STAU2: variants seen among roughly 807,000 people sequenced by gnomAD.
STAU2 encodes staufen double-stranded RNA binding protein 2, also known as double-stranded RNA-binding protein Staufen homolog 2.
In STAU2, 20 loss-of-function variants were observed where a neutral mutation model predicts 65.9. That is an observed-to-expected ratio of 0.30 (90% CI 0.21 to 0.44). STAU2 has a LOEUF of 0.44. Ranked by LOEUF, STAU2 falls within the 20% of genes least tolerant of loss-of-function variation. STAU2 has a pLI of 1.00. For missense variants in STAU2, 558 were observed against 683.9 expected (o/e 0.82, Z 2.05); for synonymous variants, 232 against 233.9 (o/e 0.99, Z 0.07).
intron 13 of STAU2, among the ~76,000 whole-genome samples, chr8:73,477,683 G>A (rs62508174): frequency 0.14 from 21,956 of 152,124 alleles, 2,053 homozygotes; most frequent in East Asian, 0.51. Context: ...ACGGACAGAA[G>A]TTCTACAGAG....
intron 13 of STAU2, among the ~76,000 whole-genome samples, chr8:73,507,813 A>G (rs866100866): frequency 2.6e-5 from 4 of 152,282 alleles, no homozygotes; most frequent in Middle Eastern, 3.4e-3. Context: ...CTTCTGGATA[A>G]CTTGCTGCAG....
intron 6 of STAU2, among the ~76,000 whole-genome samples, chr8:73,647,912 G>A (rs1815512370): frequency 6.6e-6 from 1 of 152,106 alleles, no homozygotes; most frequent in Admixed American, 6.5e-5. Context: ...TGCAGTGCTT[G>A]CATGAATCTA....
chr8:73,427,704 G>C (rs560199793), intron 13 of STAU2, among the ~76,000 whole-genome samples: 2 of 152,348 alleles, frequency 1.3e-5, no homozygotes, highest in South Asian at 4.1e-4. Context: ...TAAAGGCCAG[G>C]CTCACTCACT....
At position 73,648,292 on chromosome 8, in the gene STAU2, C is replaced by T. The variant is rs745822975; in HGVS notation, c.410+24815G>A. Among the ~76,000 whole-genome samples, 9 of 152,020 alleles carry T rather than the reference C, an allele frequency of 5.9e-5. No individual in the cohort carries two copies. In the East Asian group the frequency reaches 1.2e-3, roughly 19 times the overall value. ...AAAAATACGTTCTGAAGTGAGGCTT[C>T]GAGTGTTTTACTTCACAGTATCCAA... is the stretch of plus-strand genomic sequence containing the variant. On this transcript the variant is annotated intron_variant, in intron 6 of 14. Coordinates refer to ENST00000524300, the MANE Select transcript of STAU2 (RefSeq NM_001164380.2).
chr8:73,609,116 C>T (rs1355709358), intron 9 of STAU2, among the ~76,000 whole-genome samples: 2 of 152,098 alleles, frequency 1.3e-5, no homozygotes, highest in East Asian at 3.8e-4. Context: ...AAACTTGAGG[C>T]ACCTGTGAAA....
intron 6 of STAU2, among the ~76,000 whole-genome samples, chr8:73,636,899 C>T (rs1586167921): frequency 6.8e-6 from 1 of 147,998 alleles, no homozygotes; most frequent in East Asian, 2.0e-4. Context: ...CAAAGTTATA[C>T]TATGTTCAAA....
At chr8:73,683,308 A>G (rs1015856632) in intron 5 of STAU2, among the ~76,000 whole-genome samples, 1 of 152,220 alleles carries the variant, frequency 6.6e-6, no homozygotes, top group Non-Finnish European at 1.5e-5. Context: ...GGATAGTTTA[A>G]CGTCCACAAG....
intron 13 of STAU2, chr8:73,550,312 T>C (rs1807241793): frequency 1.0e-6 from 1 of 983,564 alleles, no homozygotes; most frequent in East Asian, 1.1e-4. Context: ...ACTCTACATG[T>C]TGACTACAGT....
chr8:73,709,709 T>C (rs537589065), intron 3 of STAU2, among the ~76,000 whole-genome samples: 1 of 152,128 alleles, frequency 6.6e-6, no homozygotes, highest in South Asian at 2.1e-4. Flanking sequence ...ATTTTCAAAG[T>C]TGTAAAAAGA....
chr8:73,568,706 A>G (rs981582945), intron 12 of STAU2, among the ~76,000 whole-genome samples: 3 of 152,240 alleles, frequency 2.0e-5, no homozygotes, highest in South Asian at 4.1e-4. Context: ...TAATCTTAGT[A>G]TATGGTAACA....
At chr8:73,594,872 CTG>C (rs2128970336) in intron 11 of STAU2, among the ~76,000 whole-genome samples, 1 of 152,232 alleles carries the variant, frequency 6.6e-6, no homozygotes, top group South Asian at 2.1e-4. Flanking sequence ...CAAATTAAGA[CTG>C]TGTCTATATG....
intron 9 of STAU2, among the ~76,000 whole-genome samples, chr8:73,607,371 C>G (rs1812096200): frequency 6.6e-6 from 1 of 152,100 alleles, no homozygotes; most frequent in African/African-American, 2.4e-5. Flanking sequence ...CTCACACTTA[C>G]TTAGTATGCT....
rs142521476 is a variant in STAU2, at chr8:73,470,986, T to A, written c.1531-48284A>T. Among the ~76,000 whole-genome samples the A allele has an allele frequency of 1.0e-3, 152 of 152,118 alleles. 4 individuals carry two copies. Among genetic ancestry groups the A allele is most frequent in the African/African-American group, 3.3e-3 (139 of 41,502 alleles). The stretch of plus-strand genomic sequence containing the variant: ...CCTTTTTCATCATCTGACATTACCA[T>A]TTGCTTTTTATGTCTTCTCTTTAAC... On this transcript the variant is annotated intron_variant, in intron 13 of 14. Coordinates refer to ENST00000524300, the MANE Select transcript of STAU2 (RefSeq NM_001164380.2).
At chr8:73,473,878 T>C (rs1290003408) in intron 13 of STAU2, among the ~76,000 whole-genome samples, 1 of 151,860 alleles carries the variant, frequency 6.6e-6, no homozygotes, top group Non-Finnish European at 1.5e-5. Context: ...AGGAACATTG[T>C]GAGAAAAAAG....
In STAU2 at chr8:73,450,614, C is replaced by T. The variant is rs76517591; in HGVS notation, c.1531-27912G>A. On this transcript the variant is annotated intron_variant, in intron 13 of 14. Coordinates refer to ENST00000524300, the MANE Select transcript of STAU2 (RefSeq NM_001164380.2). The stretch of plus-strand genomic sequence containing the variant: ...AGAAAAGCAAAGTATTGGTATTCTT[C>T]TGATGACAAATGTTCTTTGATTTTC... 5.7e-3 allele frequency among the ~76,000 whole-genome samples: 869 copies of T among 152,300 alleles called. 6 individuals are homozygous for T. The highest frequency in any genetic ancestry group is 0.02 in the African/African-American group (844 of 41,560).
chr8:73,526,073 C>T (rs1805432759), intron 13 of STAU2, among the ~76,000 whole-genome samples: 1 of 152,198 alleles, frequency 6.6e-6, no homozygotes, highest in Non-Finnish European at 1.5e-5. Flanking sequence ...GGAGTGGTCT[C>T]TAAGCTGCTT....
intron 5 of STAU2, 108 bp from the exon 6 acceptor site, chr8:73,673,350 G>C: frequency 5.5e-6 from 6 of 1,093,282 alleles, no homozygotes; most frequent in Non-Finnish European, 6.0e-6. Context: ...GGTAAGAATG[G>C]ATGGACCACC....
intron 13 of STAU2, among the ~76,000 whole-genome samples, chr8:73,438,103 G>A (rs1057101316): frequency 6.6e-6 from 1 of 152,160 alleles, no homozygotes; most frequent in African/African-American, 2.4e-5. Context: ...TGACCACTCT[G>A]TCTAGAGTGT....
intron 12 of STAU2, among the ~76,000 whole-genome samples, chr8:73,554,452 A>T (rs1807569507): frequency 6.6e-6 from 1 of 152,228 alleles, no homozygotes; most frequent in Admixed American, 6.5e-5. Flanking sequence ...AAGCTAAGGC[A>T]TTGGATGCGT....
Sources: allele counts gnomAD v4.1 joint callset (sites outside exome capture counted in the v4.1 genomes callset), GRCh38; gene constraint gnomAD v4.1.1; transcripts MANE v1.5; gene names NCBI Gene and HGNC (gene_info 2026-07-23, HGNC 2026-07-21).